Variants in RREB1 observed in about 807,000 individuals in gnomAD.
The protein encoded by RREB1 is ras-responsive element-binding protein 1.
Under a neutral mutation model 117.8 loss-of-function variants are expected in RREB1, and 27 were observed. The observed-to-expected ratio is 0.23, with a 90% CI of 0.17 to 0.32. The LOEUF (loss-of-function observed/expected upper bound fraction) is 0.32. Among genes scored for constraint, RREB1 ranks in the 10% least tolerant of loss-of-function variants. RREB1 has a pLI of 1.00. For missense variants in RREB1, 2,577 were observed against 2,378.2 expected, an observed-to-expected ratio of 1.08 and a Z score of -1.74; for synonymous variants, 1,298 against 1,026.7, an observed-to-expected ratio of 1.26 and a Z score of -5.05.
chr6:7,248,084 C>G (rs1336659248), intron 12 of RREB1, among the ~76,000 whole-genome samples: 1 of 152,244 alleles, frequency 6.6e-6, no homozygotes, highest in Non-Finnish European at 1.5e-5. Flanking sequence ...ATCAGGAAAG[C>G]CCCCGCTGCA....
At chr6:7,185,951 CATA>C (rs1336567277) in intron 4 of RREB1, among the ~76,000 whole-genome samples, 1 of 152,166 alleles carries the variant, frequency 6.6e-6, no homozygotes, top group African/African-American at 2.4e-5. Flanking sequence ...AAATGGGATC[CATA>C]ATAATGCTTG....
At chr6:7,236,193 G>A (rs1161203980) in intron 10 of RREB1, among the ~76,000 whole-genome samples, 1 of 152,140 alleles carries the variant, frequency 6.6e-6, no homozygotes, top group African/African-American at 2.4e-5. Flanking sequence ...AGGAAACACA[G>A]CCAGTCTGTT....
intron 7 of RREB1, among the ~76,000 whole-genome samples, chr6:7,211,270 G>T (rs938258990): frequency 2.1e-5 from 3 of 145,976 alleles, no homozygotes; most frequent in Non-Finnish European, 3.0e-5. Flanking sequence ...ACCAGTGCCT[G>T]GCAGATACCC....
At position 7,116,900 on chromosome 6, in the gene RREB1, G is replaced by A. The variant is rs551008429; in HGVS notation, c.-285+8840G>A. ...CTTGATTTGAAGTTTACATTAAATA[G>A]GAGAGATGGGCACACAGATCAAAGA... is the stretch of plus-strand genomic sequence containing the variant. On this transcript the variant is annotated intron_variant, in intron 1 of 12. Coordinates refer to ENST00000379938, the MANE Select transcript of RREB1 (RefSeq NM_001003699.4). Among the ~76,000 whole-genome samples, 3 of 152,268 alleles carry A rather than the reference G, an allele frequency of 2.0e-5. No individual in the cohort carries two copies. The South Asian group carries it at 6.2e-4, about 32-fold the overall frequency.
chr6:7,229,335 G>T lies in RREB1; in HGVS notation c.1236G>T (p.Leu412=), dbSNP rs902058950. 3 of 1,614,190 alleles carry T rather than the reference G, an allele frequency of 1.9e-6. No individual in the cohort carries two copies. The highest frequency in any genetic ancestry group is 2.2e-5 in the East Asian group (1 of 44,886). Residue 412 remains leucine, a synonymous_variant, in exon 10 of 13, where the codon CTG becomes CTT. Transcript: ENST00000379938. The surrounding 1 kb of genome is among the most constrained non-coding windows in gnomAD (Gnocchi z 4.5). ...QDPGCTNLLS[L]SPFEAASLGG... ...CCGGCTGCACCAACCTGCTGAGCCT[G>T]TCACCTTTCGAAGCTGCTTCCCTAG... is the stretch of plus-strand genomic sequence containing the variant.
At chr6:7,109,377 C>T (rs1272993044) in intron 1 of RREB1, among the ~76,000 whole-genome samples, 1 of 152,128 alleles carries the variant, frequency 6.6e-6, no homozygotes, top group Non-Finnish European at 1.5e-5. Context: ...TCCTTCCCGT[C>T]GCCGACCCCC....
At chr6:7,156,502 T>G (rs1422277901) in intron 1 of RREB1, among the ~76,000 whole-genome samples, 1 of 152,196 alleles carries the variant, frequency 6.6e-6, no homozygotes, top group Non-Finnish European at 1.5e-5. Flanking sequence ...CTTGTGGCTC[T>G]CCCAGCCACC....
intron 10 of RREB1, 121 bp from the exon 11 acceptor site, chr6:7,240,317 C>G: frequency 3.5e-6 from 2 of 568,650 alleles, no homozygotes; most frequent in Non-Finnish European, 2.8e-6. Context: ...TGTTAATTTT[C>G]TTGAAGGGAT....
At chr6:7,165,667 G>A (rs1387088737) in intron 1 of RREB1, among the ~76,000 whole-genome samples, 3 of 152,188 alleles carry the variant, frequency 2.0e-5, no homozygotes, top group Admixed American at 2.0e-4. Flanking sequence ...GGACTGGGTG[G>A]GCGTGTCCAG....
At chr6:7,112,125 A>G (rs985616556) in intron 1 of RREB1, among the ~76,000 whole-genome samples, 1 of 152,190 alleles carries the variant, frequency 6.6e-6, no homozygotes. Flanking sequence ...GTTCATAGCT[A>G]TCTTTTTAAA....
intron 8 of RREB1, among the ~76,000 whole-genome samples, chr6:7,219,761 C>T (rs371202983): frequency 9.9e-5 from 15 of 152,172 alleles, no homozygotes; most frequent in Admixed American, 2.6e-4. Context: ...TCGTGGTTCC[C>T]GGCCCCTGGT....
chr6:7,229,918 C>T lies in RREB1; in HGVS notation c.1819C>T (p.Pro607Ser), dbSNP rs1454092246. 1.3e-6 allele frequency: 2 copies of T among 1,599,140 alleles called. No homozygotes were observed. The highest frequency in any genetic ancestry group is 1.7e-6 in the Non-Finnish European group (2 of 1,169,150). ...GGACAGCATCATCGAGGCCCTGCTG[C>T]CGCTGAGCATGGAGGCCAAGATCAA... ...EQDSIIEALLPLSMEAKIKQE... is the reference protein window; with the variant it reads ...EQDSIIEALLSLSMEAKIKQE... Residue 607 changes from proline (P) to serine (S), a missense_variant, in exon 10 of 13, where the codon CCG becomes TCG. Pro to Ser is a moderately conservative substitution (Grantham distance 74). Coordinates refer to ENST00000379938, the MANE Select transcript of RREB1 (RefSeq NM_001003699.4). The surrounding 1 kb of genome is among the most constrained non-coding windows in gnomAD (Gnocchi z 4.5).
chr6:7,201,781 A>G (rs1766001759), intron 6 of RREB1, among the ~76,000 whole-genome samples: 1 of 152,118 alleles, frequency 6.6e-6, no homozygotes, highest in South Asian at 2.1e-4. Context: ...ATGCTTATAT[A>G]ACCCAGCTTG....
intron 8 of RREB1, among the ~76,000 whole-genome samples, chr6:7,220,392 T>A (rs1767178474): frequency 6.6e-6 from 1 of 152,194 alleles, no homozygotes. Context: ...CTAACCTTAA[T>A]CTGTCATTTG....
At chr6:7,155,674 C>T (rs930167014) in intron 1 of RREB1, among the ~76,000 whole-genome samples, 7 of 152,256 alleles carry the variant, frequency 4.6e-5, no homozygotes, top group Non-Finnish European at 7.3e-5. Context: ...AAATAGTTTC[C>T]TCCCCTTGCA....
At chr6:7,223,144 T>C (rs1026544295) in intron 8 of RREB1, among the ~76,000 whole-genome samples, 4 of 150,480 alleles carry the variant, frequency 2.7e-5, no homozygotes, top group Non-Finnish European at 5.9e-5. Flanking sequence ...TAGTCCCAGC[T>C]ATGAAGGGAG....
rs1291199459 is a variant in RREB1, at chr6:7,246,944, G to T, written c.4494G>T (p.Glu1498Asp). The T allele has an allele frequency of 6.4e-7, 1 of 1,559,036 alleles. No homozygotes were observed. ...CCCAGCCCGCCCCTGAACAGGAGGA[G>T]AAGCCCCCCGAGACCCCGGCAGAGG... ...EGPQPAPEQE[E>D]KPPETPAEVV... is the part of the protein sequence containing the mutation. Residue 1498 changes from glutamate to aspartate, a missense_variant, in exon 12 of 13, where the codon GAG becomes GAT. By Grantham distance (45) the Glu-to-Asp change is conservative. Coordinates refer to ENST00000379938, the MANE Select transcript of RREB1 (RefSeq NM_001003699.4).
rs1487936927 is a variant in RREB1, at chr6:7,109,141, CTT to C, written c.-285+1084_-285+1085del. On this transcript the variant is annotated intron_variant, in intron 1 of 12. Transcript: ENST00000379938. ...CCCAGCTGTGGAGCGCGCTCGGAAA[CTT>C]TTGTCCGCCGCCCGCTGGACCAGTT... Among the ~76,000 whole-genome samples the C allele has an allele frequency of 5.9e-5, 9 of 151,868 alleles. No homozygotes were observed. The South Asian group carries it at 8.3e-4, about 14-fold the overall frequency.
At chr6:7,174,009 A>G (rs908771488) in intron 1 of RREB1, among the ~76,000 whole-genome samples, 2 of 152,050 alleles carry the variant, frequency 1.3e-5, no homozygotes, top group Non-Finnish European at 2.9e-5. Context: ...GCCCTCTCTT[A>G]GTCCTCCTGC....
Sources: gnomAD v4.1 joint callset for allele counts (sites outside exome capture counted in the v4.1 genomes callset) on GRCh38, gnomAD v4.1.1 for gene constraint, Gnocchi (gnomAD v3.1) non-coding constraint, MANE v1.5 for transcripts, NCBI Gene and HGNC (gene_info 2026-07-23, HGNC 2026-07-21) for gene names.